SH2D4A: variants seen among roughly 807,000 people sequenced by gnomAD.
SH2D4A encodes the protein SH2 domain containing 4A, also known as SH2 domain-containing protein 4A.
Under a neutral mutation model 64.7 loss-of-function variants are expected in SH2D4A, and 70 were observed. The ratio of observed to expected loss-of-function variants is 1.08; its 90% CI spans 0.89 to 1.32. The LOEUF is 1.32. Among genes scored for constraint, SH2D4A ranks in the 40% most tolerant of loss-of-function variants. The pLI is 0.00. For missense variants in SH2D4A, 706 were observed against 540.1 expected (o/e 1.31, Z -3.04); for synonymous variants, 268 against 200.7 (o/e 1.34, Z -2.83).
Position 19,366,928 on chromosome 8 carries a change from A to T in SH2D4A, c.917+2646A>T, listed in dbSNP as rs578111136. 3.3e-5 allele frequency among the ~76,000 whole-genome samples: 5 copies of T among 152,312 alleles called. No individual in the cohort carries two copies. In the South Asian group the frequency reaches 1.0e-3, roughly 32 times the overall value. On this transcript the variant is annotated intron_variant, in intron 7 of 9. Coordinates refer to ENST00000265807, the MANE Select transcript of SH2D4A (RefSeq NM_022071.4). ...ATTTTGTTGCAAATGACAGGACATT[A>T]TTCTTTTTATGGATCTTTTGTTCTC...
intron 1 of SH2D4A, among the ~76,000 whole-genome samples, chr8:19,316,530 G>A (rs1161781215): frequency 1.3e-5 from 2 of 152,238 alleles, no homozygotes; most frequent in Admixed American, 6.5e-5. Context: ...CAGTGTGACA[G>A]TCGGTTCCTT....
At chr8:19,382,848 T>TTTTTTTTTTA (rs71545551) in intron 8 of SH2D4A, among the ~76,000 whole-genome samples, 1 of 140,330 alleles carries the variant, frequency 7.1e-6, no homozygotes, top group Non-Finnish European at 1.5e-5. Context: ...TTTTTTTTTT[T>TTTTTTTTTTA]GAGACAGGGT....
At chr8:19,387,876 C>T (rs1337020800) in intron 8 of SH2D4A, among the ~76,000 whole-genome samples, 8 of 152,114 alleles carry the variant, frequency 5.3e-5, no homozygotes, top group African/African-American at 1.9e-4. Flanking sequence ...ATAATAAGCC[C>T]TAGTTAATAA....
intron 2 of SH2D4A, among the ~76,000 whole-genome samples, chr8:19,323,689 A>AT (rs1320492037): frequency 6.6e-6 from 1 of 152,020 alleles, no homozygotes; most frequent in Non-Finnish European, 1.5e-5. Context: ...CCTCCTTTTG[A>AT]TTTTTTTAAT....
intron 8 of SH2D4A, among the ~76,000 whole-genome samples, chr8:19,390,367 TAAAAAAAAGA>T (rs2053471018): frequency 6.6e-6 from 1 of 151,862 alleles, no homozygotes; most frequent in Non-Finnish European, 1.5e-5. Flanking sequence ...AGTGACTGTT[TAAAAAAAAGA>T]AAACGTGGAA....
At chr8:19,388,178 A>T (rs899581469) in intron 8 of SH2D4A, among the ~76,000 whole-genome samples, 1 of 152,356 alleles carries the variant, frequency 6.6e-6, no homozygotes, top group African/African-American at 2.4e-5. Context: ...GTTAAAAAGC[A>T]TAGTGAGTTA....
chr8:19,329,892 A>G (rs549171871), intron 2 of SH2D4A, among the ~76,000 whole-genome samples: 2 of 152,278 alleles, frequency 1.3e-5, no homozygotes, highest in Admixed American at 6.5e-5. Context: ...TTCTTTTGCA[A>G]ATTGCCCAGT....
chr8:19,394,803 T>G lies in SH2D4A; in HGVS notation c.*161T>G. ...GGAGTCCTCATTGACACCTCTTTTC[T>G]GCACAAATACTGGAATTCAATGTCA... is the stretch of plus-strand genomic sequence containing the variant. On this transcript the variant is annotated 3_prime_UTR_variant, in exon 10 of 10. Transcript: ENST00000265807. 2.3e-6 allele frequency: 1 copy of G among 427,434 alleles called. No individual in the cohort carries two copies. Among genetic ancestry groups the G allele is most frequent in the East Asian group, 3.5e-5 (1 of 28,400 alleles). The allele number at this position is 427,434 out of a possible 1,614,324, so 26.5% of individuals were successfully genotyped here.
intron 7 of SH2D4A, among the ~76,000 whole-genome samples, chr8:19,372,792 T>C (rs957344689): frequency 1.3e-5 from 2 of 152,208 alleles, no homozygotes; most frequent in African/African-American, 4.8e-5. Context: ...GCCTGTATCT[T>C]TGTCTTTTCA....
intron 4 of SH2D4A, among the ~76,000 whole-genome samples, chr8:19,356,075 T>A (rs2052786944): frequency 6.6e-6 from 1 of 152,230 alleles, no homozygotes; most frequent in Admixed American, 6.5e-5. Flanking sequence ...GTAGCACTGC[T>A]GCTGTCACCA....
rs199676515 is a variant in SH2D4A at position 19,319,607 on chromosome 8, C to T, written c.60C>T (p.Ser20=). 6.4e-5 allele frequency: 103 copies of T among 1,606,588 alleles called. No homozygotes were observed. Among genetic ancestry groups the T allele is most frequent in the Non-Finnish European group, 8.2e-5 (96 of 1,176,926 alleles). Residue 20 remains serine (S), a synonymous_variant, in exon 2 of 10, where the codon AGC becomes AGT. Transcript: ENST00000265807. ...YIDPDLLAEL[S]EEQKQILFFK... ...ATCCTGATCTACTGGCAGAGCTCAG[C>T]GAAGAACAGAAACAGATCCTGTTCT... is the stretch of plus-strand genomic sequence containing the variant.
chr8:19,345,829 A>AG (rs1366774046), intron 4 of SH2D4A, among the ~76,000 whole-genome samples: 1 of 152,198 alleles, frequency 6.6e-6, no homozygotes, highest in Non-Finnish European at 1.5e-5. Flanking sequence ...GCTTCATTCA[A>AG]GGAGATCCCT....
chr8:19,363,562 TG>T (rs2052930031), intron 6 of SH2D4A, among the ~76,000 whole-genome samples: 1 of 152,210 alleles, frequency 6.6e-6, no homozygotes, highest in Non-Finnish European at 1.5e-5. Flanking sequence ...TTTAATTTTT[TG>T]TCTGTCAGGT....
intron 7 of SH2D4A, among the ~76,000 whole-genome samples, chr8:19,365,499 CAG>C (rs1469997195): frequency 1.3e-5 from 2 of 152,204 alleles, no homozygotes; most frequent in Non-Finnish European, 2.9e-5. Context: ...ACGTTGGCGA[CAG>C]AGCCTCAGCA....
intron 8 of SH2D4A, among the ~76,000 whole-genome samples, chr8:19,382,986 C>T (rs1319753579): frequency 6.6e-6 from 1 of 151,858 alleles, no homozygotes; most frequent in Admixed American, 6.6e-5. Flanking sequence ...CACTTGCCAC[C>T]ATGCCTGGCC....
At chr8:19,379,038 C>T (rs899061180) in intron 8 of SH2D4A, among the ~76,000 whole-genome samples, 1 of 148,946 alleles carries the variant, frequency 6.7e-6, no homozygotes, top group East Asian at 2.0e-4. Flanking sequence ...GCCAAGATCA[C>T]GCCATGCACT....
chr8:19,378,114 G>A (rs1182085925), intron 8 of SH2D4A, among the ~76,000 whole-genome samples: 2 of 152,010 alleles, frequency 1.3e-5, no homozygotes, highest in East Asian at 1.9e-4. Context: ...ATCTTTTGAC[G>A]ATTTTTCTAA....
At chr8:19,394,492 T>C (rs368122861) in intron 9 of SH2D4A, 58 bp from the exon 10 acceptor site, 21 of 1,205,688 alleles carry the variant, frequency 1.7e-5, no homozygotes, top group Middle Eastern at 2.0e-4. Flanking sequence ...TCTGAGGAAG[T>C]AGGAAGAGCA....
At chr8:19,334,281 A>G (rs1052223004) in intron 3 of SH2D4A, among the ~76,000 whole-genome samples, 2 of 152,196 alleles carry the variant, frequency 1.3e-5, no homozygotes, top group South Asian at 4.1e-4. Context: ...GCTGCCCACT[A>G]GTGCCTGTAA....
Sources: allele counts gnomAD v4.1 joint callset (sites outside exome capture counted in the v4.1 genomes callset), GRCh38; gene constraint gnomAD v4.1.1; transcripts MANE v1.5; gene names NCBI Gene and HGNC (gene_info 2026-07-23, HGNC 2026-07-21).